The following ZNF195 variants were observed in gnomAD, a reference collection of about 807,000 sequenced individuals.
The protein encoded by ZNF195 is zinc finger protein 195, also known as hypoxia-regulated factor-1.
A neutral mutation model predicts 19.5 loss-of-function variants in ZNF195; 11 were observed. The observed-to-expected ratio is 0.57, with a 90% CI of 0.36 to 0.94. ZNF195 has a LOEUF of 0.94. ZNF195 is among the 40% of genes least tolerant of loss of function. ZNF195 has a pLI of 0.01. For synonymous variants in ZNF195, 214 were observed against 248.1 expected (o/e 0.86, Z 1.29); for missense variants, 582 against 709.0 (o/e 0.82, Z 2.03).
rs1391134458 is a variant in ZNF195, at chr11:3,358,457, A to G, written c.*661T>C. 6.6e-6 allele frequency: 1 copy of G among 152,248 alleles called. No individual in the cohort carries two copies. The highest frequency in any genetic ancestry group is 1.5e-5 in the Non-Finnish European group (1 of 68,044). The allele number at this position is 152,248 out of a possible 1,614,324, so 9.4% of individuals were successfully genotyped here. A position where few individuals can be genotyped will look rare whatever the true frequency, so the allele number is the denominator to read the frequency against. ...TTCACCTTTCACGGACAAGTATATC[A>G]GTGATGCACACCTAAGAGAAAAGAA... is the stretch of plus-strand genomic sequence containing the variant. On this transcript the variant is annotated 3_prime_UTR_variant, in exon 6 of 6. Coordinates refer to ENST00000399602, the MANE Select transcript of ZNF195 (RefSeq NM_001130520.3).
chr11:3,373,629 T>G, intron 1 of ZNF195: 1 of 1,549,798 alleles, frequency 6.5e-7, no homozygotes, highest in Admixed American at 2.0e-5. Context: ...GATTTCCTCT[T>G]AGGAAAGATT....
Position 3,365,454 on chromosome 11 carries a change from CAAAAGT to C in ZNF195, c.227-3571_227-3566del, listed in dbSNP as rs553725709. 2.2e-3 allele frequency among the ~76,000 whole-genome samples: 329 copies of C among 152,206 alleles called. 2 individuals are homozygous for C. Among genetic ancestry groups the C allele is most frequent in the African/African-American group, 7.4e-3 (307 of 41,546 alleles). On this transcript the variant is annotated intron_variant, in intron 3 of 5. Transcript: ENST00000399602. ...ATGTAATAAAACTAGAAATCAAAAG[CAAAAGT>C]AAAACTGGCAATGCCAAAAATGTAT...
At chr11:3,369,564 G>T in intron 3 of ZNF195, 1 of 432,622 alleles carries the variant, frequency 2.3e-6, no homozygotes, top group Non-Finnish European at 4.7e-6. Flanking sequence ...CCATAAAAAA[G>T]GAATGAAATC....
rs192890310 is a variant in ZNF195 at position 3,372,793 on chromosome 11, G to A, written c.4-1090C>T. On this transcript the variant is annotated intron_variant, in intron 1 of 5. Transcript: ENST00000399602. ...GTAGCCCAGGCTGGAGTGCAGTGGC[G>A]CGATCTCGGCTCACTGCTACCTCTG... Among the ~76,000 whole-genome samples the A allele has an allele frequency of 2.4e-3, 372 of 152,322 alleles. 5 individuals carry two copies. The highest frequency in any genetic ancestry group is 0.022 in the South Asian group (104 of 4,832).
chr11:3,371,280 G>C (rs757261678), intron 2 of ZNF195: 9 of 651,256 alleles, frequency 1.4e-5, no homozygotes, highest in Non-Finnish European at 2.3e-5. Context: ...ATAAAAAATT[G>C]GTGGTGGAAA....
chr11:3,374,183 G>A (rs1262516205), intron 1 of ZNF195, among the ~76,000 whole-genome samples: 1 of 152,210 alleles, frequency 6.6e-6, no homozygotes, highest in African/African-American at 2.4e-5. Context: ...TGCTTCTCAA[G>A]CTTCAATGTG....
chr11:3,371,964 G>A (rs1265100756), intron 1 of ZNF195, among the ~76,000 whole-genome samples: 2 of 152,182 alleles, frequency 1.3e-5, no homozygotes, highest in Admixed American at 6.5e-5. Context: ...CTACATTTAC[G>A]TCACATGAAT....
At position 3,360,099 on chromosome 11, in the gene ZNF195, T is replaced by G; in HGVS notation, c.909A>C (p.Gln303His). ...IDTGEKPYKC[Q>H]ECNNVIKTCS... Reference sequence around the variant, plus strand: ...AAGTTTTAATGACGTTGTTACATTCTTGACACTTGTAAGGTTTCTCTCCAG... The same window carrying G: ...AAGTTTTAATGACGTTGTTACATTCGTGACACTTGTAAGGTTTCTCTCCAG... The change falls in exon 6 of 6, where the codon CAA (glutamine) becomes CAC (histidine). Residue 303 changes from glutamine to histidine, a missense_variant. Gln to His is a conservative substitution (Grantham distance 24). Coordinates refer to ENST00000399602, the MANE Select transcript of ZNF195 (RefSeq NM_001130520.3). 1 of 1,614,174 alleles carries G rather than the reference T, an allele frequency of 6.2e-7. No individual in the cohort carries two copies. The highest frequency in any genetic ancestry group is 8.5e-7 in the Non-Finnish European group (1 of 1,180,030).
chr11:3,367,937 G>T (rs1848984654), intron 3 of ZNF195, among the ~76,000 whole-genome samples: 1 of 151,954 alleles, frequency 6.6e-6, no homozygotes, highest in African/African-American at 2.4e-5. Flanking sequence ...GCCAGGCGTG[G>T]TGGTGCATGC....
intron 2 of ZNF195, 91 bp downstream of exon 2, chr11:3,371,486 G>A (rs1258685213): frequency 2.6e-6 from 4 of 1,535,030 alleles, no homozygotes; most frequent in Non-Finnish European, 3.6e-6. Context: ...ACTCATTCAT[G>A]CAACGCAGAA....
chr11:3,365,108 T>A (rs894948687), intron 3 of ZNF195, among the ~76,000 whole-genome samples: 2 of 152,212 alleles, frequency 1.3e-5, no homozygotes, highest in Non-Finnish European at 2.9e-5. Context: ...TGTAACTGTT[T>A]ATCTGTCTAT....
chr11:3,377,173 T>C (rs1849507921), intron 1 of ZNF195, among the ~76,000 whole-genome samples: 1 of 152,234 alleles, frequency 6.6e-6, no homozygotes, highest in African/African-American at 2.4e-5. Flanking sequence ...ACTGATAAAA[T>C]GTAAATTTAC....
At chr11:3,373,264 C>T (rs1243861729) in intron 1 of ZNF195, among the ~76,000 whole-genome samples, 1 of 152,186 alleles carries the variant, frequency 6.6e-6, no homozygotes, top group Non-Finnish European at 1.5e-5. Context: ...CCCACCCCAT[C>T]CTCAAGAGGA....
At chr11:3,367,037 C>A in intron 3 of ZNF195, 1 of 411,948 alleles carries the variant, frequency 2.4e-6, no homozygotes, top group Non-Finnish European at 4.9e-6. Flanking sequence ...TGCACTACAG[C>A]CTGGGTGATA....
In ZNF195 at chr11:3,360,271, C is replaced by G; in HGVS notation, c.737G>C (p.Cys246Ser). ...ISNTGEKPFK[C>S]QECGKSFQML... Reference sequence around the variant, plus strand: ...TTGAAAGGATTTGCCACATTCTTGACATTTGAAAGGTTTCTCTCCAGTATT... The same window carrying G: ...TTGAAAGGATTTGCCACATTCTTGAGATTTGAAAGGTTTCTCTCCAGTATT... The change falls in exon 6 of 6, where the codon TGT becomes TCT. Residue 246 changes from cysteine (C) to serine (S), a missense_variant. Physicochemically the swap from Cys to Ser is moderately radical, Grantham distance 112. Coordinates refer to ENST00000399602, the MANE Select transcript of ZNF195 (RefSeq NM_001130520.3). 2 of 1,613,276 alleles carry G rather than the reference C, an allele frequency of 1.2e-6. No homozygotes were observed. The highest frequency in any genetic ancestry group is 1.7e-6 in the Non-Finnish European group (2 of 1,179,372).
intron 3 of ZNF195, among the ~76,000 whole-genome samples, chr11:3,364,646 A>T (rs7945762): frequency 6.6e-6 from 1 of 151,912 alleles, no homozygotes; most frequent in Admixed American, 6.5e-5. Context: ...AAGGTGATCC[A>T]AAAGAAAATA....
At chr11:3,374,095 G>A (rs1221852404) in intron 1 of ZNF195, among the ~76,000 whole-genome samples, 1 of 152,192 alleles carries the variant, frequency 6.6e-6, no homozygotes, top group African/African-American at 2.4e-5. Context: ...AATCTGTGAG[G>A]GCAAAGGTGA....
chr11:3,369,505 G>A (rs1486821430), intron 3 of ZNF195: 2 of 453,476 alleles, frequency 4.4e-6, no homozygotes, highest in Admixed American at 4.7e-5. Flanking sequence ...TGCGGATGCT[G>A]AATGGATAAA....
intron 3 of ZNF195, among the ~76,000 whole-genome samples, chr11:3,363,073 A>C (rs1848708137): frequency 6.6e-6 from 1 of 152,248 alleles, no homozygotes; most frequent in South Asian, 2.1e-4. Context: ...ACCTATGACA[A>C]GCGTGGGTGC....
Sources: allele counts gnomAD v4.1 joint callset (sites outside exome capture counted in the v4.1 genomes callset), GRCh38; gene constraint gnomAD v4.1.1; transcripts MANE v1.5; gene names NCBI Gene and HGNC (gene_info 2026-07-23, HGNC 2026-07-21).